The following ABCA13 variants were observed in gnomAD, a reference collection of about 807,000 sequenced individuals.
The protein encoded by ABCA13 is ATP-binding cassette sub-family A member 13.
ABCA13 carries 476 observed loss-of-function variants against 478.7 expected under a neutral mutation model. The observed-to-expected ratio is 0.99, with a 90% CI of 0.92 to 1.07. The LOEUF is 1.07. Ranked by LOEUF, ABCA13 falls within the 50% of genes least tolerant of loss-of-function variation. The probability of loss-of-function intolerance (pLI) is 0.00; values close to 1 mark genes in which losing one functional copy is unlikely to be tolerated. For synonymous variants in ABCA13, 2,252 were observed against 2,158.9 expected, an observed-to-expected ratio of 1.04 and a Z score of -1.20; for missense variants, 6,060 against 5,910.6, an observed-to-expected ratio of 1.03 and a Z score of -0.83.
At chr7:48,302,072 T>C (rs1800227897) in intron 23 of ABCA13, among the ~76,000 whole-genome samples, 1 of 152,186 alleles carries the variant, frequency 6.6e-6, no homozygotes, top group Admixed American at 6.6e-5. Flanking sequence ...CAGATGAATG[T>C]GATGCTGTGG....
chr7:48,596,486 C>T (rs1197622314), intron 58 of ABCA13, among the ~76,000 whole-genome samples: 1 of 152,152 alleles, frequency 6.6e-6, no homozygotes, highest in African/African-American at 2.4e-5. Context: ...GGTCACCTCC[C>T]CCAAATTTTC....
At chr7:48,184,513 T>C (rs1225203944) in intron 1 of ABCA13, among the ~76,000 whole-genome samples, 1 of 152,164 alleles carries the variant, frequency 6.6e-6, no homozygotes, top group Non-Finnish European at 1.5e-5. Flanking sequence ...CTTCTGAACA[T>C]TTTAAAAAAG....
chr7:48,491,193 T>A (rs565672380), intron 48 of ABCA13, among the ~76,000 whole-genome samples: 1 of 152,264 alleles, frequency 6.6e-6, no homozygotes, highest in East Asian at 1.9e-4. Context: ...TAGATGAAAA[T>A]GTGCGTAGGA....
At chr7:48,520,372 T>A in intron 53 of ABCA13, 78 bp downstream of exon 53, 2 of 1,452,426 alleles carry the variant, frequency 1.4e-6, no homozygotes, top group Non-Finnish European at 1.8e-6. Context: ...ATCCTGGAGG[T>A]TGTAAAATAA....
intron 58 of ABCA13, among the ~76,000 whole-genome samples, chr7:48,612,889 T>G: frequency 6.6e-6 from 1 of 152,026 alleles, no homozygotes; most frequent in Admixed American, 6.5e-5. Flanking sequence ...ATTTGAGAAC[T>G]CATTGTTTTT....
At chr7:48,475,645 T>C (rs904888892) in intron 45 of ABCA13, among the ~76,000 whole-genome samples, 8 of 151,852 alleles carry the variant, frequency 5.3e-5, no homozygotes, top group Non-Finnish European at 1.0e-4. Context: ...TTTGTATTTT[T>C]AGTAGAGATG....
intron 26 of ABCA13, among the ~76,000 whole-genome samples, chr7:48,315,311 C>T (rs376961144): frequency 1.3e-5 from 2 of 152,082 alleles, no homozygotes; most frequent in African/African-American, 2.4e-5. Flanking sequence ...GGTCACATGT[C>T]GGGATTTCTG....
chr7:48,376,971 C>T (rs540106089), intron 35 of ABCA13, among the ~76,000 whole-genome samples: 1 of 152,192 alleles, frequency 6.6e-6, no homozygotes, highest in Admixed American at 6.5e-5. Context: ...GATCTAGGGA[C>T]CAAGCGCTCA....
At chr7:48,217,358 T>C (rs1562799745) in intron 3 of ABCA13, among the ~76,000 whole-genome samples, 1 of 152,166 alleles carries the variant, frequency 6.6e-6, no homozygotes, top group East Asian at 1.9e-4. Context: ...TTAACAAAAA[T>C]TGTAATAGAA....
At chr7:48,512,499 T>C (rs1831774857) in intron 51 of ABCA13, among the ~76,000 whole-genome samples, 1 of 152,220 alleles carries the variant, frequency 6.6e-6, no homozygotes, top group Admixed American at 6.5e-5. Flanking sequence ...TCTATGTGTG[T>C]GTACCCAGCT....
Position 48,249,193 on chromosome 7 carries a change from G to A in ABCA13, c.1866-19G>A, listed in dbSNP as rs747059918. On this transcript the variant is annotated intron_variant, in intron 14 of 61. Transcript: ENST00000435803. ...TCATTTTTAAATTTTAATTTTCTCT[G>A]GATTCTTTTTGATTGCAGGATATTT... 5.3e-5 allele frequency: 84 copies of A among 1,583,506 alleles called. No homozygotes were observed. The African/African-American group carries it at 1.1e-3, about 20-fold the overall frequency.
chr7:48,352,108 C>T, intron 30 of ABCA13, 73 bp from the exon 31 acceptor site: 2 of 1,444,542 alleles, frequency 1.4e-6, no homozygotes, highest in Non-Finnish European at 1.9e-6. Flanking sequence ...TTTCCTGTCT[C>T]ACCCAGTGTA....
At chr7:48,213,822 C>G (rs957755009) in intron 3 of ABCA13, among the ~76,000 whole-genome samples, 2 of 152,178 alleles carry the variant, frequency 1.3e-5, no homozygotes, top group Admixed American at 6.6e-5. Context: ...TCTCAAGAAA[C>G]CACTTTGCTT....
intron 38 of ABCA13, among the ~76,000 whole-genome samples, chr7:48,395,986 G>A (rs1269283033): frequency 6.6e-6 from 1 of 152,224 alleles, no homozygotes; most frequent in Admixed American, 6.5e-5. Flanking sequence ...GTTGGGGAGA[G>A]GAAAGTGATG....
chr7:48,275,047 T>C lies in ABCA13; in HGVS notation c.5381T>C (p.Val1794Ala). The change falls in exon 17 of 62, where the codon GTG (valine) becomes GCG (alanine). Residue 1794 changes from valine (V) to alanine (A), a missense_variant. Physicochemically the swap from Val to Ala is moderately conservative, Grantham distance 64. Around this residue, in one of 3 missense-constraint regions of ABCA13, gnomAD observed 4,423 missense variants for 4,309.1 expected, o/e 1.03. Transcript: ENST00000435803. Reference protein sequence around the residue: ...SNITKEDFAIVIKILLDTIEL... With the variant: ...SNITKEDFAIAIKILLDTIEL... ...ATCACCAAGGAAGACTTCGCAATTG[T>C]GATAAAAATTCTTTTGGATACAATT... 6.2e-7 allele frequency: 1 copy of C among 1,613,714 alleles called. No individual in the cohort carries two copies. Among genetic ancestry groups the C allele is most frequent in the African/African-American group, 1.3e-5 (1 of 75,058 alleles).
intron 29 of ABCA13, among the ~76,000 whole-genome samples, chr7:48,347,052 G>A (rs1251563683): frequency 1.3e-5 from 2 of 152,098 alleles, no homozygotes; most frequent in Non-Finnish European, 2.9e-5. Context: ...AACCCTCAAG[G>A]GAGTTTTCAT....
intron 15 of ABCA13, among the ~76,000 whole-genome samples, chr7:48,265,736 G>A (rs999011265): frequency 6.6e-6 from 1 of 151,374 alleles, no homozygotes; most frequent in South Asian, 2.1e-4. Flanking sequence ...AATTGTTTTT[G>A]TATGTCTTTT....
intron 23 of ABCA13, among the ~76,000 whole-genome samples, chr7:48,306,332 A>G (rs1800902940): frequency 6.6e-6 from 1 of 152,252 alleles, no homozygotes; most frequent in Non-Finnish European, 1.5e-5. Context: ...ACTGTGTGAC[A>G]TGCTAGAAAG....
At position 48,274,463 on chromosome 7, in the gene ABCA13, C is replaced by G; in HGVS notation, c.4797C>G (p.His1599Gln). Residue 1599 changes from histidine to glutamine, a missense_variant, in exon 17 of 62, where the codon CAC (histidine) becomes CAG (glutamine). By Grantham distance (24) the His-to-Gln change is conservative (BLOSUM62 0). Coordinates refer to ENST00000435803, the MANE Select transcript of ABCA13 (RefSeq NM_152701.5). ...ACAGTGTAGGCAATTCCATTTATCA[C>G]TTAGCTAGTTACCTTGCCTTCAGCT... The part of the protein sequence containing the change: ...DVNSVGNSIY[H>Q]LASYLAFSLS... 6.2e-7 allele frequency: 1 copy of G among 1,613,834 alleles called. No individual in the cohort carries two copies. The highest frequency in any genetic ancestry group is 8.5e-7 in the Non-Finnish European group (1 of 1,179,822).
Sources: allele counts gnomAD v4.1 joint callset (sites outside exome capture counted in the v4.1 genomes callset), GRCh38; gene constraint gnomAD v4.1.1; regional missense constraint gnomAD v4.1.1; transcripts MANE v1.5; gene names NCBI Gene and HGNC (gene_info 2026-07-23, HGNC 2026-07-21).